PTPRK: variants seen among roughly 807,000 people sequenced by gnomAD.
PTPRK encodes protein tyrosine phosphatase receptor type K.
A neutral mutation model predicts 178.0 loss-of-function variants in PTPRK; 75 were observed. The ratio of observed to expected loss-of-function variants is 0.42; its 90% CI spans 0.35 to 0.51. The LOEUF (loss-of-function observed/expected upper bound fraction) is 0.51. PTPRK is among the 20% of genes least tolerant of loss of function. PTPRK has a pLI of 0.02. For missense variants in PTPRK, 1,441 were observed against 1,797.8 expected, an observed-to-expected ratio of 0.80 and a Z score of 3.59; for synonymous variants, 637 against 620.6, an observed-to-expected ratio of 1.03 and a Z score of -0.39.
intron 1 of PTPRK, among the ~76,000 whole-genome samples, chr6:128,503,626 G>A (rs1855877294): frequency 1.3e-5 from 2 of 152,054 alleles, no homozygotes; most frequent in Non-Finnish European, 2.9e-5. Flanking sequence ...GATAAACTCT[G>A]TCATACATAT....
Position 127,982,809 on chromosome 6 carries a change from A to T in PTPRK, c.3537+22T>A, listed in dbSNP as rs770579658. ...AACAAATTGTAGTAAGTCACAAAAG[A>T]GGTTTTAGAAATAGTTAATACCTGA... On this transcript the variant is annotated intron_variant, in intron 24 of 29. Coordinates refer to ENST00000368226, the MANE Select transcript of PTPRK (RefSeq NM_002844.4). 3.8e-6 allele frequency: 6 copies of T among 1,587,790 alleles called. No individual in the cohort carries two copies. The Admixed American group carries it at 1.1e-4, about 28-fold the overall frequency.
intron 3 of PTPRK, among the ~76,000 whole-genome samples, chr6:128,274,722 T>A (rs1439430495): frequency 6.6e-6 from 1 of 152,034 alleles, no homozygotes; most frequent in Non-Finnish European, 1.5e-5. Flanking sequence ...GTATGTTGTC[T>A]CAATATTTAA....
In PTPRK at chr6:128,520,438, G is replaced by C. The variant is rs558201609; in HGVS notation, c.-80C>G. On this transcript the variant is annotated 5_prime_UTR_variant, in exon 1 of 30. Coordinates refer to ENST00000368226, the MANE Select transcript of PTPRK (RefSeq NM_002844.4). Reference sequence around the variant, plus strand: ...CCGCGAAATCCACGACGGAGGAGCGGGCCGGGCCTCGCGGGGTGAGGACGG... The same window carrying C: ...CCGCGAAATCCACGACGGAGGAGCGCGCCGGGCCTCGCGGGGTGAGGACGG... 6.4e-6 allele frequency: 9 copies of C among 1,401,098 alleles called. No individual in the cohort carries two copies. The African/African-American group carries it at 1.3e-4, about 20-fold the overall frequency. 86.8% of individuals were successfully genotyped at this position (1,401,098 alleles called of 1,614,324 possible).
At chr6:128,238,399 G>T (rs780400745) in intron 5 of PTPRK, among the ~76,000 whole-genome samples, 12 of 151,412 alleles carry the variant, frequency 7.9e-5, no homozygotes, top group Non-Finnish European at 1.6e-4. Flanking sequence ...ACTCAGACCA[G>T]CAGGGTCCAG....
At chr6:128,494,687 G>A (rs1287337491) in intron 1 of PTPRK, among the ~76,000 whole-genome samples, 1 of 152,226 alleles carries the variant, frequency 6.6e-6, no homozygotes, top group African/African-American at 2.4e-5. Context: ...TTCAATGGAA[G>A]TGGCACCACG....
chr6:128,364,871 T>A (rs1835270254), intron 2 of PTPRK, among the ~76,000 whole-genome samples: 1 of 152,040 alleles, frequency 6.6e-6, no homozygotes, highest in Non-Finnish European at 1.5e-5. Context: ...TTTTTAAAAC[T>A]TTCCTTTTCC....
chr6:128,510,614 C>T (rs923453030), intron 1 of PTPRK, among the ~76,000 whole-genome samples: 2 of 152,176 alleles, frequency 1.3e-5, no homozygotes, highest in Non-Finnish European at 2.9e-5. Flanking sequence ...TAAATGCATA[C>T]ATGCAAACAC....
chr6:128,010,160 G>A (rs183051814), intron 13 of PTPRK, among the ~76,000 whole-genome samples: 16 of 151,322 alleles, frequency 1.1e-4, no homozygotes, highest in Admixed American at 9.3e-4. Flanking sequence ...TTGCTCAAGA[G>A]CAAAGAAAAA....
chr6:128,276,132 C>T (rs929172417), intron 3 of PTPRK, among the ~76,000 whole-genome samples: 2 of 151,866 alleles, frequency 1.3e-5, no homozygotes, highest in African/African-American at 4.8e-5. Flanking sequence ...ACTATAAATG[C>T]CAATATACTA....
At chr6:128,082,805 T>C (rs1346680127) in intron 9 of PTPRK, among the ~76,000 whole-genome samples, 167 bp from the exon 10 acceptor site, 1 of 152,056 alleles carries the variant, frequency 6.6e-6, no homozygotes, top group African/African-American at 2.4e-5. Flanking sequence ...CATTCTGAAG[T>C]TCTGTCTATA....
intron 7 of PTPRK, among the ~76,000 whole-genome samples, chr6:128,104,645 C>T (rs1789381110): frequency 6.6e-6 from 1 of 152,168 alleles, no homozygotes; most frequent in Admixed American, 6.5e-5. Context: ...TCAGTAAGTT[C>T]CTGGCATATA....
At chr6:128,471,408 AGAT>A (rs1177371521) in intron 1 of PTPRK, among the ~76,000 whole-genome samples, 1 of 151,942 alleles carries the variant, frequency 6.6e-6, no homozygotes, top group Non-Finnish European at 1.5e-5. Context: ...CTATTAGGGA[AGAT>A]GAGAAGAAAA....
At chr6:128,401,300 C>T (rs1410413468) in intron 1 of PTPRK, among the ~76,000 whole-genome samples, 1 of 151,974 alleles carries the variant, frequency 6.6e-6, no homozygotes, top group African/African-American at 2.4e-5. Context: ...TATTAGACAC[C>T]AAAAAGATTA....
At chr6:128,070,956 T>A (rs952866204) in intron 11 of PTPRK, among the ~76,000 whole-genome samples, 3 of 151,828 alleles carry the variant, frequency 2.0e-5, no homozygotes, top group Admixed American at 6.6e-5. Flanking sequence ...TTTTTCTTTC[T>A]CCATGAAAGT....
At chr6:128,432,547 T>A (rs1844967816) in intron 1 of PTPRK, among the ~76,000 whole-genome samples, 1 of 152,216 alleles carries the variant, frequency 6.6e-6, no homozygotes, top group South Asian at 2.1e-4. Context: ...TCAGCTCTGA[T>A]GTGAATCATA....
intron 13 of PTPRK, among the ~76,000 whole-genome samples, chr6:128,022,020 C>G (rs796478306): frequency 2.6e-5 from 4 of 152,312 alleles, no homozygotes; most frequent in African/African-American, 9.6e-5. Flanking sequence ...TCTTGACTCT[C>G]TAGCAAAGAG....
In PTPRK at chr6:128,240,052, T is replaced by C; in HGVS notation, c.676A>G (p.Asn226Asp). Residue 226 changes from asparagine (N) to aspartate (D), a missense_variant, in exon 5 of 30, where the codon AAC (asparagine) becomes GAC (aspartate). By Grantham distance (23) the Asn-to-Asp change is conservative. Around this residue, in one of 4 missense-constraint regions of PTPRK, gnomAD observed 945 missense variants for 1,080.6 expected, o/e 0.87. Coordinates refer to ENST00000368226, the MANE Select transcript of PTPRK (RefSeq NM_002844.4). ...GGCCTTACCTGGAGCCATAACTTGT[T>C]ATGCACAGCATCTCTCCCTGTGGCA... ...CIATGRDAVHNKLWLQRRNGE... is the reference protein window; with the variant it reads ...CIATGRDAVHDKLWLQRRNGE... 1 of 1,614,002 alleles carries C rather than the reference T, an allele frequency of 6.2e-7. No homozygotes were observed. The highest frequency in any genetic ancestry group is 8.5e-7 in the Non-Finnish European group (1 of 1,179,886).
chr6:128,060,903 T>C (rs2114913396), intron 13 of PTPRK, among the ~76,000 whole-genome samples: 1 of 152,302 alleles, frequency 6.6e-6, no homozygotes, highest in Admixed American at 6.5e-5. Context: ...CACATATTGC[T>C]CTGATACTTT....
intron 27 of PTPRK, among the ~76,000 whole-genome samples, chr6:127,975,706 G>A (rs1183631823): frequency 2.0e-5 from 3 of 151,986 alleles, no homozygotes; most frequent in Non-Finnish European, 2.9e-5. Context: ...ACGAAGTCTC[G>A]CTCTATACAG....
Sources: gnomAD v4.1 joint callset for allele counts (sites outside exome capture counted in the v4.1 genomes callset) on GRCh38, gnomAD v4.1.1 for gene constraint, gnomAD v4.1.1 regional missense constraint, MANE v1.5 for transcripts, NCBI Gene and HGNC (gene_info 2026-07-23, HGNC 2026-07-21) for gene names.